The following MYO3B variants were observed in gnomAD, a reference collection of about 807,000 sequenced individuals.
The protein encoded by MYO3B is myosin-IIIb.
A neutral mutation model predicts 174.6 loss-of-function variants in MYO3B; 156 were observed. That is an observed-to-expected ratio of 0.89 (90% CI 0.78 to 1.02). MYO3B has a LOEUF of 1.02. Ranked by LOEUF, MYO3B falls within the 50% of genes least tolerant of loss-of-function variation. The pLI is 0.00. For synonymous variants in MYO3B, 563 were observed against 569.1 expected (o/e 0.99, Z 0.15); for missense variants, 1,632 against 1,639.4 (o/e 1.00, Z 0.08).
intron 7 of MYO3B, among the ~76,000 whole-genome samples, chr2:170,325,408 A>G (rs1046730862): frequency 2.6e-5 from 4 of 152,054 alleles, no homozygotes; most frequent in African/African-American, 9.7e-5. Flanking sequence ...GGGTTTCACC[A>G]TGTTGACCAG....
intron 7 of MYO3B, among the ~76,000 whole-genome samples, chr2:170,293,378 G>C (rs1010715722): frequency 1.3e-5 from 2 of 152,006 alleles, no homozygotes; most frequent in African/African-American, 4.8e-5. Flanking sequence ...ATTCTAATTA[G>C]TTCTACTGCT....
intron 22 of MYO3B, among the ~76,000 whole-genome samples, chr2:170,428,429 TATAG>T (rs2094682780): frequency 6.6e-6 from 1 of 152,246 alleles, no homozygotes; most frequent in Non-Finnish European, 1.5e-5. Context: ...ATTTCACAAC[TATAG>T]ATAAAATTTC....
chr2:170,626,347 G>A (rs192919440), intron 32 of MYO3B, among the ~76,000 whole-genome samples: 2 of 152,140 alleles, frequency 1.3e-5, no homozygotes, highest in Admixed American at 1.3e-4. Flanking sequence ...TTGGTTTAAA[G>A]TCTGTTTTAT....
At chr2:170,461,238 G>T (rs1684259717) in intron 23 of MYO3B, among the ~76,000 whole-genome samples, 1 of 152,080 alleles carries the variant, frequency 6.6e-6, no homozygotes, top group Admixed American at 6.5e-5. Context: ...ACTTTGGGAG[G>T]CCGAGGCGGG....
chr2:170,488,435 A>G (rs773923116), intron 25 of MYO3B, among the ~76,000 whole-genome samples: 2 of 152,206 alleles, frequency 1.3e-5, no homozygotes, highest in East Asian at 1.9e-4. Flanking sequence ...ACCTGGATCT[A>G]TAGCGTAGAT....
chr2:170,632,910 T>C (rs946274222), intron 32 of MYO3B, among the ~76,000 whole-genome samples: 2 of 139,168 alleles, frequency 1.4e-5, no homozygotes, highest in African/African-American at 5.2e-5. Context: ...CCTCGACACT[T>C]ATACCCTCCA....
chr2:170,211,394 C>T (rs573172087), intron 3 of MYO3B, among the ~76,000 whole-genome samples: 1 of 152,224 alleles, frequency 6.6e-6, no homozygotes, highest in Non-Finnish European at 1.5e-5. Context: ...CCTTATTACC[C>T]GATTTTAGCC....
intron 24 of MYO3B, among the ~76,000 whole-genome samples, chr2:170,464,281 G>A (rs1684481566): frequency 6.6e-6 from 1 of 151,378 alleles, no homozygotes. Flanking sequence ...CCTGGGAGGT[G>A]GAGGTTGCAG....
At chr2:170,380,144 C>T (rs895008566) in intron 9 of MYO3B, among the ~76,000 whole-genome samples, 7 of 152,096 alleles carry the variant, frequency 4.6e-5, no homozygotes, top group African/African-American at 1.7e-4. Flanking sequence ...GGGTGATATC[C>T]TCATAAGCTG....
intron 32 of MYO3B, among the ~76,000 whole-genome samples, chr2:170,624,748 CTAATT>C (rs1696254835): frequency 1.3e-5 from 2 of 152,232 alleles, no homozygotes; most frequent in Non-Finnish European, 2.9e-5. Flanking sequence ...TCATCAATAC[CTAATT>C]TATTGAGAGT....
Position 170,387,138 on chromosome 2 carries a change from A to G in MYO3B, c.1407A>G (p.Leu469=), listed in dbSNP as rs746413596. Residue 469 remains leucine, a synonymous_variant, in exon 14 of 35, where the codon CTA becomes CTG. Transcript: ENST00000408978. ...ANNQTLREKI[L]QVNSLVEAFG... is the part of the protein sequence containing the mutation. ...ATCAGACCTTGAGAGAGAAAATTCT[A>G]CAAGTCAACTCCCTGGTGGAAGCCT... 2 of 1,613,932 alleles carry G rather than the reference A, an allele frequency of 1.2e-6. No homozygotes were observed. The highest frequency in any genetic ancestry group is 1.3e-5 in the African/African-American group (1 of 74,940).
intron 32 of MYO3B, among the ~76,000 whole-genome samples, chr2:170,602,815 C>G (rs549212877): frequency 2.0e-5 from 3 of 152,254 alleles, no homozygotes; most frequent in South Asian, 4.1e-4. Context: ...ACCTGTAGTC[C>G]CAGCACTTTG....
At chr2:170,385,575 C>T (rs1480169197) in intron 12 of MYO3B, among the ~76,000 whole-genome samples, 4 of 152,046 alleles carry the variant, frequency 2.6e-5, no homozygotes. Context: ...ATAAAAATAT[C>T]AACAATACAA....
In MYO3B at chr2:170,394,909, C is replaced by T. The variant is rs1302576657; in HGVS notation, c.1791+2414C>T. 2.0e-5 allele frequency among the ~76,000 whole-genome samples: 3 copies of T among 152,318 alleles called. No individual in the cohort carries two copies. In the East Asian group the frequency reaches 5.8e-4, roughly 29 times the overall value. On this transcript the variant is annotated intron_variant, in intron 16 of 34. Transcript: ENST00000408978. ...AAATGCTGATGTAACAGAACTTTCT[C>T]TTAAGTTTTTCTGGCAGACATTTCT...
In MYO3B at chr2:170,400,353, G is replaced by A. The variant is rs372331695; in HGVS notation, c.1918+39G>A. ...ATTTGTGGGCTGTGTTGTTGCCAAA[G>A]CACGTGCTTCTTTAGGCTCTGTAAA... is the stretch of plus-strand genomic sequence containing the variant. On this transcript the variant is annotated intron_variant, in intron 17 of 34. Coordinates refer to ENST00000408978, the MANE Select transcript of MYO3B (RefSeq NM_138995.5). 6.2e-6 allele frequency: 10 copies of A among 1,606,908 alleles called. No individual in the cohort carries two copies. The African/African-American group carries it at 1.3e-4, about 22-fold the overall frequency.
At chr2:170,400,051 G>T in intron 16 of MYO3B, 137 bp from the exon 17 acceptor site, 1 of 1,108,148 alleles carries the variant, frequency 9.0e-7, no homozygotes, top group Non-Finnish European at 1.3e-6. Flanking sequence ...AAAGAAGTTT[G>T]GGAAATTTTG....
At chr2:170,179,229 GA>G (rs947293031) in intron 1 of MYO3B, among the ~76,000 whole-genome samples, 4 of 152,152 alleles carry the variant, frequency 2.6e-5, no homozygotes, top group Admixed American at 2.6e-4. Context: ...TTAAAGAAAG[GA>G]AAAGAGTACA....
At chr2:170,212,198 G>A (rs1448049774) in intron 3 of MYO3B, among the ~76,000 whole-genome samples, 2 of 150,834 alleles carry the variant, frequency 1.3e-5, no homozygotes, top group Non-Finnish European at 2.9e-5. Flanking sequence ...AGCCAAGATG[G>A]CGCCACTGCA....
At chr2:170,491,881 C>A (rs561731211) in intron 25 of MYO3B, among the ~76,000 whole-genome samples, 4 of 152,114 alleles carry the variant, frequency 2.6e-5, no homozygotes, top group Admixed American at 6.5e-5. Context: ...TGGCAAAACC[C>A]TGTCTCTACT....
Sources: gnomAD v4.1 joint callset for allele counts (sites outside exome capture counted in the v4.1 genomes callset) on GRCh38, gnomAD v4.1.1 for gene constraint, MANE v1.5 for transcripts, NCBI Gene and HGNC (gene_info 2026-07-23, HGNC 2026-07-21) for gene names.